NUDC: variants seen among roughly 807,000 people sequenced by gnomAD.
NUDC encodes the protein nuclear migration protein nudC.
NUDC carries 14 observed loss-of-function variants against 45.0 expected under a neutral mutation model. The observed-to-expected ratio is 0.31, with a 90% CI of 0.21 to 0.49. The LOEUF (loss-of-function observed/expected upper bound fraction) is 0.49, where lower values mean the gene tolerates loss of function less well. NUDC is among the 20% of genes least tolerant of loss of function. The pLI is 0.99. For missense variants in NUDC, 323 were observed against 426.2 expected (o/e 0.76, Z 2.13); for synonymous variants, 153 against 156.7 (o/e 0.98, Z 0.17).
At chr1:26,915,801 G>GA (rs1213157161) in intron 3 of NUDC, among the ~76,000 whole-genome samples, 2 of 152,146 alleles carry the variant, frequency 1.3e-5, no homozygotes, top group Admixed American at 1.3e-4. Context: ...AGCACCAGTG[G>GA]ACAAACAGGC....
chr1:26,938,517 C>G (rs769968517), intron 2 of NUDC, among the ~76,000 whole-genome samples: 1 of 152,180 alleles, frequency 6.6e-6, no homozygotes, highest in Non-Finnish European at 1.5e-5. Flanking sequence ...GCAGAATGGC[C>G]TCCCCTACCA....
At chr1:26,926,083 C>T (rs969236688) in intron 2 of NUDC, among the ~76,000 whole-genome samples, 1 of 151,130 alleles carries the variant, frequency 6.6e-6, no homozygotes, top group African/African-American at 2.4e-5. Flanking sequence ...ATGGTGCGAT[C>T]TTGGCTCACT....
At chr1:26,934,599 TTACTTC>T (rs1190191461) in intron 2 of NUDC, among the ~76,000 whole-genome samples, 3 of 152,166 alleles carry the variant, frequency 2.0e-5, no homozygotes, top group African/African-American at 7.2e-5. Flanking sequence ...TGACAAGGTA[TTACTTC>T]GTTCTCATGC....
intron 2 of NUDC, among the ~76,000 whole-genome samples, chr1:26,935,201 C>T (rs184903843): frequency 3.3e-5 from 5 of 151,134 alleles, no homozygotes; most frequent in East Asian, 2.0e-4. Flanking sequence ...AACCTGGTCT[C>T]GAACTCCTGA....
At chr1:26,942,059 C>T (rs1299648993) in intron 4 of NUDC, among the ~76,000 whole-genome samples, 3 of 152,102 alleles carry the variant, frequency 2.0e-5, no homozygotes, top group African/African-American at 2.4e-5. Context: ...TTTGGGAGGC[C>T]GAGGTGGGTA....
At chr1:26,924,549 T>TTTTA (rs893080318) in intron 2 of NUDC, among the ~76,000 whole-genome samples, 3 of 151,958 alleles carry the variant, frequency 2.0e-5, no homozygotes, top group Non-Finnish European at 2.9e-5. Context: ...AATGAGGAGG[T>TTTTA]TTTATTTATT....
intron 2 of NUDC, among the ~76,000 whole-genome samples, chr1:26,934,198 C>T (rs1326533304): frequency 6.6e-6 from 1 of 152,108 alleles, no homozygotes; most frequent in Admixed American, 6.5e-5. Context: ...TCTGCATGAC[C>T]GGGGAGGCCT....
chr1:26,928,369 A>G (rs1233370161), intron 2 of NUDC, among the ~76,000 whole-genome samples: 1 of 152,242 alleles, frequency 6.6e-6, no homozygotes, highest in Non-Finnish European at 1.5e-5. Flanking sequence ...TTTCAGCATT[A>G]GAAAACTGGA....
intron 3 of NUDC, among the ~76,000 whole-genome samples, chr1:26,912,691 C>G (rs1481714814): frequency 6.6e-6 from 1 of 152,160 alleles, no homozygotes; most frequent in Non-Finnish European, 1.5e-5. Context: ...CTCCCTACGC[C>G]CCTTTCAGTC....
chr1:26,918,617 C>G (rs2124083727), upstream of NUDC, among the ~76,000 whole-genome samples: 1 of 149,066 alleles, frequency 6.7e-6, no homozygotes, highest in Non-Finnish European at 1.5e-5. Flanking sequence ...TCTTCTTGCC[C>G]AGGCTGGCGT....
intron 2 of NUDC, among the ~76,000 whole-genome samples, chr1:26,903,827 G>A (rs568066220): frequency 2.6e-5 from 4 of 151,632 alleles, no homozygotes; most frequent in Admixed American, 2.0e-4. Flanking sequence ...TGGCTAACAC[G>A]GTGAAACCCC....
In NUDC at chr1:26,906,868, A is replaced by AAAAT. The variant is rs545440507; in HGVS notation, c.-15-4243_-15-4240dup. Among the ~76,000 whole-genome samples, 535 of 152,110 alleles carry AAAAT rather than the reference A, an allele frequency of 3.5e-3. 5 individuals are homozygous for AAAAT. Among genetic ancestry groups the AAAAT allele is most frequent in the Non-Finnish European group, 2.5e-3 (173 of 67,998 alleles). ...CGTCTCAAAAAAAATAATAATAATA[A>AAAAT]AAATAAATAAATAAATAAATGTTAA... On this transcript the variant is annotated intron_variant, in intron 2 of 6. Transcript: ENST00000435827.
At chr1:26,900,660 G>C (rs554585879) in intron 1 of NUDC, among the ~76,000 whole-genome samples, 152 of 152,292 alleles carry the variant, frequency 1.0e-3, no homozygotes, top group Middle Eastern at 3.4e-3. Context: ...GGGTCATAGA[G>C]TTCTTTCATA....
At chr1:26,944,912 C>G (rs1398631521) in intron 6 of NUDC, among the ~76,000 whole-genome samples, 1 of 151,978 alleles carries the variant, frequency 6.6e-6, no homozygotes, top group Admixed American at 6.6e-5. Flanking sequence ...TGTGGTGGTG[C>G]ATGCCTATAA....
chr1:26,942,761 C>A lies in NUDC; in HGVS notation c.531C>A (p.Thr177=), dbSNP rs767490095. The stretch of plus-strand genomic sequence containing the variant: ...TGCCCAATTACCGCTGGACCCAGAC[C>A]CTGTCGGAGCTGGACGTGAGTGTCA... ...ADLPNYRWTQ[T]LSELDLAVPF... is the part of the protein sequence containing the mutation. The change falls in exon 5 of 9, where the codon ACC becomes ACA. Residue 177 remains threonine (T), a synonymous_variant. Transcript: ENST00000321265. The A allele has an allele frequency of 4.3e-6, 7 of 1,614,170 alleles. No individual in the cohort carries two copies. In the South Asian group the frequency reaches 7.7e-5, roughly 18 times the overall value.
At chr1:26,927,182 T>G (rs1047130556) in intron 2 of NUDC, among the ~76,000 whole-genome samples, 3 of 128,108 alleles carry the variant, frequency 2.3e-5, no homozygotes, top group Non-Finnish European at 5.0e-5. Flanking sequence ...GGGAGAGAGA[T>G]GAACCGTGTG....
At chr1:26,920,292 C>T (rs2082082498), upstream of NUDC, among the ~76,000 whole-genome samples, 2 of 151,942 alleles carry the variant, frequency 1.3e-5, no homozygotes, top group Admixed American at 1.3e-4. Context: ...GAGTTTGAAA[C>T]GAGCCTGGCC....
At chr1:26,943,312 A>G (rs1158441938) in intron 6 of NUDC, among the ~76,000 whole-genome samples, 2 of 152,076 alleles carry the variant, frequency 1.3e-5, no homozygotes, top group Non-Finnish European at 2.9e-5. Context: ...GGCCCAAGCA[A>G]TTCTCTCGCC....
rs1411040316 is a variant in NUDC, at chr1:26,932,651, A to G, written c.159+8485A>G. ...TTAACCATTTTTAAGTGTACAGTTC[A>G]GTAGTGTTAAGTGAACTTACACTAA... On this transcript the variant is annotated intron_variant, in intron 2 of 8. Coordinates refer to ENST00000321265, the MANE Select transcript of NUDC (RefSeq NM_006600.4). Among the ~76,000 whole-genome samples the G allele has an allele frequency of 2.6e-5, 4 of 152,128 alleles. No homozygotes were observed. The East Asian group carries it at 7.7e-4, about 29-fold the overall frequency.
Sources: allele counts gnomAD v4.1 joint callset (sites outside exome capture counted in the v4.1 genomes callset), GRCh38; gene constraint gnomAD v4.1.1; transcripts MANE v1.5; gene names NCBI Gene and HGNC (gene_info 2026-07-23, HGNC 2026-07-21).